KCNJ3: variants seen among roughly 807,000 people sequenced by gnomAD.
KCNJ3 encodes the protein G protein-activated inward rectifier potassium channel 1.
Under a neutral mutation model 39.2 loss-of-function variants are expected in KCNJ3, and 4 were observed. The ratio of observed to expected loss-of-function variants is 0.10; its 90% CI spans 0.05 to 0.23. KCNJ3 has a LOEUF of 0.23. Among genes scored for constraint, KCNJ3 ranks in the 10% least tolerant of loss-of-function variants. The pLI is 1.00. For missense variants in KCNJ3, 276 were observed against 634.9 expected (o/e 0.43, Z 6.08); for synonymous variants, 230 against 237.4 (o/e 0.97, Z 0.29).
At chr2:154,720,474 ATGACTCTAAAT>A in intron 2 of KCNJ3, among the ~76,000 whole-genome samples, 1 of 152,148 alleles carries the variant, frequency 6.6e-6, no homozygotes, top group South Asian at 2.1e-4. Flanking sequence ...ATTTTTCCAT[ATGACTCTAAAT>A]TAATTTTTAA....
Position 154,793,973 on chromosome 2 carries a change from C to T in KCNJ3, c.920-60754C>T, listed in dbSNP as rs1272538595. Reference sequence around the variant, plus strand: ...TTTTTTTCCTGAAGCAAATGCCTTGCTATTTTCAGGGACTGTTATGTGTTC... The same window carrying T: ...TTTTTTTCCTGAAGCAAATGCCTTGTTATTTTCAGGGACTGTTATGTGTTC... On this transcript the variant is annotated intron_variant, in intron 2 of 2. Transcript: ENST00000295101. 2.0e-5 allele frequency among the ~76,000 whole-genome samples: 3 copies of T among 151,756 alleles called. No homozygotes were observed. The East Asian group carries it at 5.8e-4, about 29-fold the overall frequency.
intron 2 of KCNJ3, among the ~76,000 whole-genome samples, chr2:154,766,519 C>T (rs1333952673): frequency 6.6e-6 from 1 of 151,490 alleles, no homozygotes; most frequent in East Asian, 1.9e-4. Context: ...AAAAATGATC[C>T]ATAATTATTT....
At chr2:154,812,929 T>A (rs943195552) in intron 2 of KCNJ3, among the ~76,000 whole-genome samples, 3 of 152,190 alleles carry the variant, frequency 2.0e-5, no homozygotes, top group African/African-American at 7.2e-5. Context: ...TTTGTGTATA[T>A]CTTATATAGT....
intron 1 of KCNJ3, among the ~76,000 whole-genome samples, chr2:154,700,496 C>T (rs1274142854): frequency 6.6e-6 from 1 of 151,930 alleles, no homozygotes; most frequent in Non-Finnish European, 1.5e-5. Flanking sequence ...TTTCAGATGT[C>T]CATAAATTGA....
intron 2 of KCNJ3, among the ~76,000 whole-genome samples, chr2:154,735,406 G>A (rs111347815): frequency 7.9e-5 from 12 of 152,226 alleles, no homozygotes; most frequent in African/African-American, 2.9e-4. Context: ...GAGCCACGGA[G>A]CCCGGCCATA....
In KCNJ3 at chr2:154,851,449, A is replaced by C. The variant is rs540904332; in HGVS notation, c.920-3278A>C. Among the ~76,000 whole-genome samples, 35 of 152,318 alleles carry C rather than the reference A, an allele frequency of 2.3e-4. 1 individual carries two copies. The South Asian group carries it at 7.0e-3, about 31-fold the overall frequency. On this transcript the variant is annotated intron_variant, in intron 2 of 2. Coordinates refer to ENST00000295101, the MANE Select transcript of KCNJ3 (RefSeq NM_002239.4). Reference sequence around the variant, plus strand: ...CATTAACAGGCATTACCTAAACACCAAGCAAGGTTCTATGTCTTTTACTTT... The same window carrying C: ...CATTAACAGGCATTACCTAAACACCCAGCAAGGTTCTATGTCTTTTACTTT...
chr2:154,797,803 G>C (rs529711398), intron 2 of KCNJ3, among the ~76,000 whole-genome samples: 1 of 152,022 alleles, frequency 6.6e-6, no homozygotes, highest in Admixed American at 6.6e-5. Context: ...TGAACATTCA[G>C]ATTGTTTCTA....
intron 2 of KCNJ3, among the ~76,000 whole-genome samples, chr2:154,823,146 T>C (rs1435404481): frequency 2.2e-4 from 34 of 152,118 alleles, no homozygotes; most frequent in Admixed American, 2.2e-3. Flanking sequence ...AATATTGATA[T>C]GGTACTAATA....
At chr2:154,719,794 A>C (rs954692474) in intron 2 of KCNJ3, among the ~76,000 whole-genome samples, 2 of 152,132 alleles carry the variant, frequency 1.3e-5, no homozygotes, top group African/African-American at 4.8e-5. Context: ...AAGTTAACAG[A>C]GATTAAATAG....
At chr2:154,801,724 T>C (rs929449589) in intron 2 of KCNJ3, among the ~76,000 whole-genome samples, 5 of 151,956 alleles carry the variant, frequency 3.3e-5, no homozygotes, top group African/African-American at 1.2e-4. Context: ...CCCTCCAGGT[T>C]CAAGCTGTTC....
intron 2 of KCNJ3, among the ~76,000 whole-genome samples, chr2:154,778,211 T>C (rs908627159): frequency 6.6e-6 from 1 of 152,188 alleles, no homozygotes; most frequent in Admixed American, 6.5e-5. Flanking sequence ...TTATTTGTAG[T>C]TTCACTACTG....
chr2:154,796,175 G>A (rs1438130689), intron 2 of KCNJ3, among the ~76,000 whole-genome samples: 3 of 152,126 alleles, frequency 2.0e-5, no homozygotes, highest in Non-Finnish European at 4.4e-5. Context: ...GGAATTAAAG[G>A]AATTGAGGTC....
chr2:154,797,781 T>C (rs1263456962), intron 2 of KCNJ3, among the ~76,000 whole-genome samples: 1 of 152,090 alleles, frequency 6.6e-6, no homozygotes, highest in Non-Finnish European at 1.5e-5. Flanking sequence ...TATAAAACCA[T>C]TCCCTTTAGA....
In KCNJ3 at chr2:154,857,176, G is replaced by GAT. The variant is rs1687853143; in HGVS notation, c.*1865_*1866dup. The GAT allele has an allele frequency of 6.6e-6, 1 of 152,066 alleles. No individual in the cohort carries two copies. Among genetic ancestry groups the GAT allele is most frequent in the Non-Finnish European group, 1.5e-5 (1 of 67,994 alleles). The allele number at this position is 152,066 out of a possible 1,614,324, so 9.4% of individuals were successfully genotyped here. The stretch of plus-strand genomic sequence containing the variant: ...TGGAGCAAATTGCCCTATACCCATT[G>GAT]ATAACCTAGCTTTCTTAGTTTGTAG... On this transcript the variant is annotated 3_prime_UTR_variant, in exon 3 of 3. Transcript: ENST00000295101.
intron 2 of KCNJ3, among the ~76,000 whole-genome samples, chr2:154,779,921 G>A (rs777532716): frequency 3.9e-5 from 6 of 152,050 alleles, no homozygotes; most frequent in Admixed American, 2.0e-4. Flanking sequence ...TTCAAAACAT[G>A]CCTCTGTTTG....
chr2:154,801,542 T>C (rs1446807150), intron 2 of KCNJ3, among the ~76,000 whole-genome samples: 2 of 151,556 alleles, frequency 1.3e-5, no homozygotes, highest in African/African-American at 2.4e-5. Context: ...TCCTTCTTTC[T>C]TTCTTTCTTT....
At chr2:154,806,476 A>G (rs1686912666) in intron 2 of KCNJ3, among the ~76,000 whole-genome samples, 1 of 152,204 alleles carries the variant, frequency 6.6e-6, no homozygotes, top group South Asian at 2.1e-4. Context: ...GCACACAGTT[A>G]CATGGTTGTC....
Position 154,858,222 on chromosome 2 carries a change from G to T in KCNJ3, c.*2909G>T, listed in dbSNP as rs1687876620. The T allele has an allele frequency of 6.6e-6, 1 of 152,140 alleles. No individual in the cohort carries two copies. The highest frequency in any genetic ancestry group is 2.4e-5 in the African/African-American group (1 of 41,428). 9.4% of individuals were successfully genotyped at this position (152,140 alleles called of 1,614,324 possible). On this transcript the variant is annotated 3_prime_UTR_variant, in exon 3 of 3. Coordinates refer to ENST00000295101, the MANE Select transcript of KCNJ3 (RefSeq NM_002239.4). ...ATTCCAGTTTATACCTGTTGTACCT[G>T]TGTAATTATTGGTAGCACTCCCTTT...
At chr2:154,850,501 C>T (rs1002041732) in intron 2 of KCNJ3, among the ~76,000 whole-genome samples, 1 of 152,078 alleles carries the variant, frequency 6.6e-6, no homozygotes, top group African/African-American at 2.4e-5. Flanking sequence ...TATATCTTAT[C>T]TTAGTTCATT....
Sources: gnomAD v4.1 joint callset for allele counts (sites outside exome capture counted in the v4.1 genomes callset) on GRCh38, gnomAD v4.1.1 for gene constraint, MANE v1.5 for transcripts, NCBI Gene and HGNC (gene_info 2026-07-23, HGNC 2026-07-21) for gene names.